Variants in MINDY3 observed in about 807,000 individuals in gnomAD.
The protein encoded by MINDY3 is MINDY lysine 48 deubiquitinase 3.
MINDY3 carries 38 observed loss-of-function variants against 69.2 expected under a neutral mutation model. The ratio of observed to expected loss-of-function variants is 0.55; its 90% confidence interval spans 0.42 to 0.72. The LOEUF (loss-of-function observed/expected upper bound fraction) is 0.72. Ranked by LOEUF, MINDY3 falls within the 30% of genes least tolerant of loss-of-function variation. The pLI is 0.00. For synonymous variants in MINDY3, 192 were observed against 180.1 expected, an observed-to-expected ratio of 1.07 and a Z score of -0.53; for missense variants, 522 against 519.0, an observed-to-expected ratio of 1.01 and a Z score of -0.06.
At chr10:15,833,772 C>T in intron 7 of MINDY3, 63 bp from the exon 8 acceptor site, 1 of 1,035,694 alleles carries the variant, frequency 9.7e-7, no homozygotes, top group Middle Eastern at 2.5e-4. Flanking sequence ...ATAATTCCTA[C>T]AGCAAAGTAT....
chr10:15,843,304 T>C, intron 2 of MINDY3, 32 bp from the exon 3 acceptor site: 1 of 1,512,860 alleles, frequency 6.6e-7, no homozygotes, highest in Non-Finnish European at 9.2e-7. Flanking sequence ...ATTAGTGAAA[T>C]GCATTATAAC....
intron 14 of MINDY3, among the ~76,000 whole-genome samples, chr10:15,780,306 T>C (rs1836424139): frequency 6.6e-6 from 1 of 152,190 alleles, no homozygotes; most frequent in South Asian, 2.1e-4. Flanking sequence ...GTGAAATACA[T>C]TTTTTGGCAT....
At chr10:15,837,340 G>C (rs541618558) in intron 5 of MINDY3, 22 bp from the exon 6 acceptor site, 1 of 1,518,708 alleles carries the variant, frequency 6.6e-7, no homozygotes, top group South Asian at 1.2e-5. Flanking sequence ...AAAGAATTAA[G>C]TATTGGTATC....
intron 10 of MINDY3, among the ~76,000 whole-genome samples, chr10:15,811,462 T>G (rs1339779390): frequency 6.6e-6 from 1 of 152,176 alleles, no homozygotes; most frequent in Non-Finnish European, 1.5e-5. Context: ...CATGAGACTA[T>G]GTATAGATTA....
At chr10:15,855,814 T>A (rs116406239) in intron 1 of MINDY3, among the ~76,000 whole-genome samples, 2,651 of 152,216 alleles carry the variant, frequency 0.017, 79 homozygotes, top group African/African-American at 0.061. Flanking sequence ...ATAACTACAT[T>A]TGTTCTTTCC....
Position 15,838,298 on chromosome 10 carries a change from T to C in MINDY3, c.410-19A>G. On this transcript the variant is annotated intron_variant, in intron 4 of 14. Transcript: ENST00000277632. ...AAGGCAGCTATACATAAAAGACACT[T>C]TTCAGCACTACACATGGCAAATAAA... 1 of 1,593,702 alleles carries C rather than the reference T, an allele frequency of 6.3e-7. No homozygotes were observed. Among genetic ancestry groups the C allele is most frequent in the Non-Finnish European group, 8.5e-7 (1 of 1,172,020 alleles).
rs188684510 is a variant in MINDY3, at chr10:15,807,497, G to A, written c.882+9338C>T. ...CAAATTAAACTTAGTAAGACTTAGT[G>A]GCGGTCATCTATTAACCATACAAGA... On this transcript the variant is annotated intron_variant, in intron 10 of 14. Coordinates refer to ENST00000277632, the MANE Select transcript of MINDY3 (RefSeq NM_024948.4). Among the ~76,000 whole-genome samples, 15 of 152,250 alleles carry A rather than the reference G, an allele frequency of 9.9e-5. No individual in the cohort carries two copies. In the East Asian group the frequency reaches 2.9e-3, roughly 29 times the overall value.
intron 8 of MINDY3, among the ~76,000 whole-genome samples, chr10:15,831,673 CTT>C (rs10716234): frequency 2.5e-3 from 301 of 121,334 alleles, no homozygotes; most frequent in African/African-American, 9.5e-3. Context: ...GCCTCCTTTT[CTT>C]TTTTTTTTTT....
chr10:15,820,828 GGT>G (rs1209938642), intron 9 of MINDY3, among the ~76,000 whole-genome samples: 2 of 152,184 alleles, frequency 1.3e-5, no homozygotes, highest in African/African-American at 4.8e-5. Context: ...AGGAAGGTCA[GGT>G]GCCTTAGGCT....
At chr10:15,812,916 T>C (rs747994909) in intron 10 of MINDY3, among the ~76,000 whole-genome samples, 4 of 152,156 alleles carry the variant, frequency 2.6e-5, no homozygotes, top group Admixed American at 2.6e-4. Context: ...GTCCTGTCAT[T>C]CTACCTCAGG....
intron 11 of MINDY3, among the ~76,000 whole-genome samples, chr10:15,795,477 C>T (rs914438520): frequency 1.3e-5 from 2 of 152,056 alleles, no homozygotes; most frequent in Non-Finnish European, 2.9e-5. Context: ...TAAGGGAACT[C>T]TGAAGTATGA....
chr10:15,801,592 AGATTAG>A (rs1181731262), intron 10 of MINDY3, among the ~76,000 whole-genome samples: 2 of 152,118 alleles, frequency 1.3e-5, no homozygotes, highest in African/African-American at 4.8e-5. Flanking sequence ...TACAGCCTCT[AGATTAG>A]GAGGTCATAA....
At chr10:15,795,206 A>C (rs1471064340) in intron 11 of MINDY3, among the ~76,000 whole-genome samples, 1 of 152,084 alleles carries the variant, frequency 6.6e-6, no homozygotes, top group Non-Finnish European at 1.5e-5. Context: ...AACGCCTCTA[A>C]GAACTAGTTA....
At chr10:15,828,093 G>A (rs1687562274) in intron 8 of MINDY3, among the ~76,000 whole-genome samples, 1 of 152,144 alleles carries the variant, frequency 6.6e-6, no homozygotes, top group African/African-American at 2.4e-5. Flanking sequence ...CTTGGTCTAT[G>A]GCAAAGAAAC....
chr10:15,821,802 A>G (rs1194448717), intron 8 of MINDY3, 76 bp from the exon 9 acceptor site: 11 of 1,097,662 alleles, frequency 1.0e-5, no homozygotes, highest in East Asian at 1.0e-4. Context: ...AAACGTACTT[A>G]TATGTATATA....
chr10:15,836,409 A>G (rs2132068157), intron 6 of MINDY3, among the ~76,000 whole-genome samples: 1 of 152,138 alleles, frequency 6.6e-6, no homozygotes, highest in Non-Finnish European at 1.5e-5. Flanking sequence ...TTAATGTGCC[A>G]TTTTTTTACA....
intron 10 of MINDY3, among the ~76,000 whole-genome samples, chr10:15,815,684 T>C (rs1588573450): frequency 6.6e-6 from 1 of 152,186 alleles, no homozygotes; most frequent in South Asian, 2.1e-4. Flanking sequence ...ATGATGATGA[T>C]GACGATGACC....
intron 5 of MINDY3, 145 bp from the exon 6 acceptor site, chr10:15,837,463 A>G (rs1833167785): frequency 7.6e-7 from 1 of 1,322,582 alleles, no homozygotes; most frequent in African/African-American, 1.5e-5. Flanking sequence ...TTTCATTACA[A>G]ATTTAGCCAC....
In MINDY3 at chr10:15,800,910, T is replaced by C. The variant is rs138573641; in HGVS notation, c.883-4738A>G. On this transcript the variant is annotated intron_variant, in intron 10 of 14. Transcript: ENST00000277632. ...GGAAAGGCACACCTTTAGATTCTAA[T>C]ATGATTTAAGAAAAAGTGCAGTCAT... Among the ~76,000 whole-genome samples the C allele has an allele frequency of 7.2e-5, 11 of 152,242 alleles. No individual in the cohort carries two copies. In the East Asian group the frequency reaches 1.4e-3, roughly 19 times the overall value.
Sources: gnomAD v4.1 joint callset for allele counts (sites outside exome capture counted in the v4.1 genomes callset) on GRCh38, gnomAD v4.1.1 for gene constraint, MANE v1.5 for transcripts, NCBI Gene and HGNC (gene_info 2026-07-23, HGNC 2026-07-21) for gene names.